ACOT9: variants seen among roughly 807,000 people sequenced by gnomAD.
ACOT9 encodes the protein acyl-CoA thioesterase 9.
In ACOT9, 34 loss-of-function variants were observed where a neutral mutation model predicts 39.7. That is an observed-to-expected ratio of 0.86 (90% CI 0.65 to 1.14). ACOT9 has a LOEUF of 1.14. ACOT9 is among the 50% of genes most tolerant of loss of function. ACOT9 has a pLI of 0.00. For missense variants in ACOT9, 313 were observed against 344.1 expected (o/e 0.91, Z 0.71); for synonymous variants, 110 against 120.5 (o/e 0.91, Z 0.57).
At chrX:23,705,161 G>C (rs1442272055) in intron 13 of ACOT9, 81 bp from the exon 14 acceptor site, 3 of 856,549 alleles carry the variant, frequency 3.5e-6, no homozygotes. Context: ...ACTAGCTGAA[G>C]CAAAATAAAA....
chrX:23,709,991 A>G (rs1254012960), intron 9 of ACOT9, among the ~76,000 whole-genome samples: 1 of 111,517 alleles, frequency 9.0e-6, no homozygotes, highest in African/African-American at 3.3e-5. Flanking sequence ...GGGTTAAAGC[A>G]ATCCTCCCAC....
chrX:23,713,576 G>C (rs189043062), intron 8 of ACOT9, among the ~76,000 whole-genome samples: 79 of 106,751 alleles, frequency 7.4e-4, no homozygotes, highest in Non-Finnish European at 1.4e-3. Flanking sequence ...AAAAAAAAGA[G>C]AGAGAGAGAG....
In ACOT9 at chrX:23,706,867, C is replaced by A. The variant is rs546321; in HGVS notation, c.731-128G>T. ...CGTATCCAAGAGAAAACTGCAGAGGCCACATAAAACTCCCAGTGAGTCTTT... is the reference window on the plus strand; with the variant it reads ...CGTATCCAAGAGAAAACTGCAGAGGACACATAAAACTCCCAGTGAGTCTTT... On this transcript the variant is annotated intron_variant, in intron 10 of 15. Coordinates refer to ENST00000379303, the MANE Select transcript of ACOT9 (RefSeq NM_001037171.2). 0.21 allele frequency: 86,642 copies of A among 417,696 alleles called. 6,800 individuals carry two copies. The highest frequency in any genetic ancestry group is 0.31 in the Admixed American group (6,713 of 21,739). 34.4% of individuals were successfully genotyped at this position (417,696 alleles called of 1,213,427 possible).
chrX:23,737,089 G>A (rs886881569), intron 1 of ACOT9, among the ~76,000 whole-genome samples: 3 of 111,368 alleles, frequency 2.7e-5, no homozygotes, highest in African/African-American at 6.5e-5. Flanking sequence ...AAGGCAGGTG[G>A]ATCACTTGAG....
Position 23,705,020 on chromosome X carries a change from A to T in ACOT9, c.1080T>A (p.Val360=), listed in dbSNP as rs1457615748. The change falls in exon 14 of 16, where the codon GTT becomes GTA. Residue 360 remains valine (V), a synonymous_variant. Transcript: ENST00000379303. ...DDIMFQKPVE[V]GSLLFLSSQV... ...GTGAAGAAAGAAAGAGCAATGAGCC[A>T]ACCTCAACAGGTTTCTGAAACATGA... 1 of 1,211,840 alleles carries T rather than the reference A, an allele frequency of 8.3e-7. No homozygotes were observed. Among genetic ancestry groups the T allele is most frequent in the Non-Finnish European group, 1.1e-6 (1 of 895,461 alleles).
chrX:23,721,151 C>T (rs968209563), intron 8 of ACOT9, among the ~76,000 whole-genome samples: 24 of 110,453 alleles, frequency 2.2e-4, no homozygotes, highest in Non-Finnish European at 4.0e-4. Flanking sequence ...AGTGCAGTGG[C>T]GCAATCTCAG....
chrX:23,716,275 T>C (rs1569192352), intron 8 of ACOT9, among the ~76,000 whole-genome samples: 1 of 112,311 alleles, frequency 8.9e-6, no homozygotes, highest in South Asian at 3.7e-4. Context: ...TCACTCCCAG[T>C]TGAATATCCC....
chrX:23,708,741 T>C (rs1271996657), intron 9 of ACOT9, among the ~76,000 whole-genome samples: 1 of 111,090 alleles, frequency 9.0e-6, no homozygotes, highest in East Asian at 2.8e-4. Context: ...TGAATACGGA[T>C]CACATATTAA....
At chrX:23,740,955 A>C (rs1442100430) in intron 1 of ACOT9, among the ~76,000 whole-genome samples, 1 of 109,359 alleles carries the variant, frequency 9.1e-6, no homozygotes, top group Non-Finnish European at 1.9e-5. Context: ...TTCCAATCAA[A>C]GGAGATCAAG....
chrX:23,732,093 G>T (rs1254743265), intron 4 of ACOT9, among the ~76,000 whole-genome samples: 1 of 112,012 alleles, frequency 8.9e-6, no homozygotes, highest in Non-Finnish European at 1.9e-5. Flanking sequence ...TCAAGCTCAT[G>T]GGGGAAGAAT....
At chrX:23,722,894 TAGGATCAAAC>T in intron 6 of ACOT9, 141 bp from the exon 7 acceptor site, 1 of 393,580 alleles carries the variant, frequency 2.5e-6, no homozygotes, top group Non-Finnish European at 4.5e-6. Flanking sequence ...CATCTTATCC[TAGGATCAAAC>T]ACTTTTATAA....
In ACOT9 at chrX:23,730,500, T is replaced by C. The variant is rs1034889368; in HGVS notation, c.400+27A>G. ...TTCAATGTATATCTGTAGGTATCTA[T>C]TAGAAAGACTAAAATAATACCAGTA... On this transcript the variant is annotated intron_variant, in intron 6 of 15. Transcript: ENST00000379303. The C allele has an allele frequency of 3.5e-6, 4 of 1,148,882 alleles. No individual in the cohort carries two copies. In the African/African-American group the frequency reaches 5.3e-5, roughly 15 times the overall value. 94.7% of individuals were successfully genotyped at this position (1,148,882 alleles called of 1,213,427 possible).
chrX:23,730,215 C>G (rs1489989382), intron 6 of ACOT9, among the ~76,000 whole-genome samples: 1 of 107,728 alleles, frequency 9.3e-6, no homozygotes, highest in Admixed American at 1.0e-4. Context: ...TTGCCTCAGC[C>G]TCCCAAGTAG....
At chrX:23,722,098 A>G (rs575694153) in intron 7 of ACOT9, 114 bp from the exon 8 acceptor site, 1 of 435,016 alleles carries the variant, frequency 2.3e-6, no homozygotes, top group South Asian at 6.2e-5. Flanking sequence ...TGTCTTCAAA[A>G]CTAAAATAAC....
At chrX:23,727,588 G>C (rs761006726) in intron 6 of ACOT9, among the ~76,000 whole-genome samples, 16 of 110,257 alleles carry the variant, frequency 1.5e-4, no homozygotes, top group African/African-American at 4.9e-4. Flanking sequence ...ATCTCCCAAA[G>C]TGCAAGGATT....
At chrX:23,733,268 C>A (rs376006665) in intron 3 of ACOT9, 51 bp from the exon 4 acceptor site, 2 of 1,067,269 alleles carry the variant, frequency 1.9e-6, no homozygotes, top group Non-Finnish European at 2.6e-6. Context: ...ATATGAGAAA[C>A]GGATTATGGC....
Position 23,721,941 on chromosome X carries a change from G to A in ACOT9, c.528C>T (p.Phe176=). The change falls in exon 8 of 16, where the codon TTC becomes TTT. Residue 176 remains phenylalanine (F), a synonymous_variant. Coordinates refer to ENST00000379303, the MANE Select transcript of ACOT9 (RefSeq NM_001037171.2). ...KSLSPEQDIK[F]SGHVSWVGKT... is the part of the protein sequence containing the mutation. Reference sequence around the variant, plus strand: ...TCCCGACCCAGCTAACATGGCCACTGAACTTAATGTCCTGTTCTGGGCTCA... The same window carrying A: ...TCCCGACCCAGCTAACATGGCCACTAAACTTAATGTCCTGTTCTGGGCTCA... The A allele has an allele frequency of 8.3e-7, 1 of 1,210,834 alleles. No homozygotes were observed. The highest frequency in any genetic ancestry group is 1.1e-6 in the Non-Finnish European group (1 of 894,987).
intron 4 of ACOT9, among the ~76,000 whole-genome samples, chrX:23,732,897 G>A (rs753858634): frequency 3.6e-5 from 4 of 112,043 alleles, no homozygotes; most frequent in East Asian, 2.8e-4. Flanking sequence ...TCGTAAGCAC[G>A]TCACAAGTTT....
At chrX:23,718,087 C>CAA (rs111428160) in intron 8 of ACOT9, among the ~76,000 whole-genome samples, 58 of 95,829 alleles carry the variant, frequency 6.1e-4, no homozygotes, top group East Asian at 1.6e-3. Context: ...GACCCTGTCT[C>CAA]AAAAAAAAAA....
Sources: gnomAD v4.1 joint callset for allele counts (sites outside exome capture counted in the v4.1 genomes callset) on GRCh38, gnomAD v4.1.1 for gene constraint, MANE v1.5 for transcripts, NCBI Gene and HGNC (gene_info 2026-07-23, HGNC 2026-07-21) for gene names.